MME: variants seen among roughly 807,000 people sequenced by gnomAD.
The protein encoded by MME is membrane metalloendopeptidase, also known as neprilysin.
In MME, 98 loss-of-function variants were observed where a neutral mutation model predicts 113.2. The observed-to-expected ratio is 0.87, with a 90% CI of 0.74 to 1.02. MME has a LOEUF of 1.02. Ranked by LOEUF, MME falls within the 50% of genes least tolerant of loss-of-function variation. The probability of loss-of-function intolerance (pLI) is 0.00; values close to 1 mark genes in which losing one functional copy is unlikely to be tolerated. For missense variants in MME, 836 were observed against 896.0 expected, an observed-to-expected ratio of 0.93 and a Z score of 0.86; for synonymous variants, 292 against 300.6, an observed-to-expected ratio of 0.97 and a Z score of 0.30.
At chr3:155,087,247 TG>T (rs146361352) in intron 3 of MME, among the ~76,000 whole-genome samples, 32,060 of 127,866 alleles carry the variant, frequency 0.25, 3,769 homozygotes, top group African/African-American at 0.35. Flanking sequence ...CTGTGCCCTT[TG>T]GTTTTTTTTT....
At chr3:155,106,107 TC>T (rs1212811632) in intron 3 of MME, among the ~76,000 whole-genome samples, 3 of 152,200 alleles carry the variant, frequency 2.0e-5, no homozygotes, top group East Asian at 3.8e-4. Flanking sequence ...AAAATAGGTC[TC>T]CTTACTTAAG....
intron 3 of MME, among the ~76,000 whole-genome samples, chr3:155,106,710 T>C (rs1470911566): frequency 6.6e-6 from 1 of 152,146 alleles, no homozygotes; most frequent in Non-Finnish European, 1.5e-5. Flanking sequence ...ACTTGTACTT[T>C]TAGAATGTTG....
Position 155,047,648 on chromosome 3 carries a change from G to A in MME, c.-11+23324G>A, listed in dbSNP as rs1270225618. On this transcript the variant is annotated intron_variant, in intron 1 of 22. Coordinates refer to the MME transcript ENST00000492661. ...ATTAGCTGCATTAAAGTATCTGATA[G>A]TTCCAATATCTAGGAGGATCTCAAG... Among the ~76,000 whole-genome samples the A allele has an allele frequency of 3.9e-5, 6 of 152,220 alleles. No homozygotes were observed. The East Asian group carries it at 7.7e-4, about 20-fold the overall frequency.
chr3:155,024,797 G>A (rs954791199), intron 1 of MME, among the ~76,000 whole-genome samples: 2 of 152,124 alleles, frequency 1.3e-5, no homozygotes, highest in Non-Finnish European at 2.9e-5. Context: ...ATACTTATGT[G>A]CACATAAAAT....
chr3:155,087,798 C>A (rs886537845), intron 3 of MME, among the ~76,000 whole-genome samples: 1 of 152,036 alleles, frequency 6.6e-6, no homozygotes, highest in Admixed American at 6.5e-5. Flanking sequence ...GTGATTTTGC[C>A]TCAGAGATCT....
At chr3:155,178,872 C>T (rs529318627) in intron 22 of MME, among the ~76,000 whole-genome samples, 1 of 152,108 alleles carries the variant, frequency 6.6e-6, no homozygotes, top group Non-Finnish European at 1.5e-5. Context: ...AAAATATTTC[C>T]CCCACATATG....
At position 155,045,540 on chromosome 3, in the gene MME, G is replaced by A. The variant is rs866173041; in HGVS notation, c.-11+21216G>A. ...TTAATTATCTTTTTTTTTTTTTTTG[G>A]TTTTGAGACGGAGATTCACTCTGTC... is the stretch of plus-strand genomic sequence containing the variant. On this transcript the variant is annotated intron_variant, in intron 1 of 22. Coordinates refer to the MME transcript ENST00000492661. Among the ~76,000 whole-genome samples the A allele has an allele frequency of 9.4e-4, 133 of 142,110 alleles. 1 individual carries two copies. The highest frequency in any genetic ancestry group is 3.3e-3 in the African/African-American group (126 of 38,202). The allele number at this position is 142,110 out of a possible 152,430, so 93.2% of individuals were successfully genotyped here. A position where few individuals can be genotyped will look rare whatever the true frequency, so the allele number is the denominator to read the frequency against.
chr3:155,088,799 G>T (rs373746578), intron 3 of MME, among the ~76,000 whole-genome samples: 1 of 152,108 alleles, frequency 6.6e-6, no homozygotes, highest in Non-Finnish European at 1.5e-5. Flanking sequence ...GTTCAAACCT[G>T]AGCTCAGAAA....
At chr3:155,154,601 A>G (rs1303877775) in intron 16 of MME, among the ~76,000 whole-genome samples, 1 of 152,152 alleles carries the variant, frequency 6.6e-6, no homozygotes, top group African/African-American at 2.4e-5. Flanking sequence ...CCCAAGAGAA[A>G]AAAACACATT....
At chr3:155,096,410 T>C (rs1439155742) in intron 3 of MME, among the ~76,000 whole-genome samples, 1 of 152,116 alleles carries the variant, frequency 6.6e-6, no homozygotes, top group Non-Finnish European at 1.5e-5. Context: ...AAGGCTATCA[T>C]AGAGGGTGTG....
intron 1 of MME, chr3:155,083,513 G>C (rs1456982397): frequency 6.5e-6 from 1 of 153,232 alleles, no homozygotes; most frequent in African/African-American, 2.4e-5. Context: ...GGTATCTTTT[G>C]GTACAGTGAG....
chr3:155,052,827 C>G, intron 1 of MME, among the ~76,000 whole-genome samples: 1 of 152,166 alleles, frequency 6.6e-6, no homozygotes, highest in Middle Eastern at 3.2e-3. Flanking sequence ...AATGGGTTTT[C>G]CTTTTCTATT....
chr3:155,084,234 C>T lies in MME; in HGVS notation c.67C>T (p.Arg23Ter), dbSNP rs150836510. 1.4e-5 allele frequency: 23 copies of T among 1,613,902 alleles called. No individual in the cohort carries two copies. Among genetic ancestry groups the T allele is most frequent in the Middle Eastern group, 1.6e-4 (1 of 6,082 alleles). Residue 23 changes from arginine to a stop codon, truncating the protein, a stop_gained, in exon 2 of 23, where the codon CGA becomes TGA. Transcript: ENST00000360490. LOFTEE classifies it high-confidence loss of function. ...CACTCCAAAGCCAAAGAAGAAACAG[C>T]GATGGACTCCACTGGAGATCAGCCT... ...INTPKPKKKQ[R>*]WTPLEISLSV...
At chr3:155,111,249 AAAGG>A (rs1266733877) in intron 3 of MME, among the ~76,000 whole-genome samples, 3 of 152,222 alleles carry the variant, frequency 2.0e-5, no homozygotes, top group Non-Finnish European at 4.4e-5. Context: ...ATAAGAGATT[AAAGG>A]AAGGTTGATC....
At chr3:155,026,733 C>T (rs79795043) in intron 1 of MME, among the ~76,000 whole-genome samples, 6,613 of 152,148 alleles carry the variant, frequency 0.043, 159 homozygotes, top group African/African-American at 0.052. Context: ...TTCCCCCCAC[C>T]TCCCCCAGAA....
chr3:155,031,199 T>C (rs1256578515), intron 1 of MME, among the ~76,000 whole-genome samples: 2 of 152,150 alleles, frequency 1.3e-5, no homozygotes, highest in Non-Finnish European at 2.9e-5. Context: ...ATTTAAAGGG[T>C]ATCATCTGAT....
intron 7 of MME, 82 bp downstream of exon 7, chr3:155,117,068 A>T: frequency 2.4e-6 from 2 of 841,642 alleles, no homozygotes; most frequent in South Asian, 1.4e-5. Context: ...TGATATTTAG[A>T]AATAATGCTA....
chr3:155,168,586 G>A lies in MME; in HGVS notation c.1875G>A (p.Gln625=). 1 of 1,613,872 alleles carries A rather than the reference G, an allele frequency of 6.2e-7. No homozygotes were observed. Among genetic ancestry groups the A allele is most frequent in the Non-Finnish European group, 8.5e-7 (1 of 1,179,860 alleles). The part of the protein sequence containing the change: ...FKEQSQCMVY[Q]YGNFSWDLAG... ...AGCAATCCCAGTGCATGGTGTATCA[G>A]TATGGAAACTTTTCCTGGGACCTGG... Residue 625 remains glutamine (Q), a synonymous_variant, in exon 19 of 23, where the codon CAG becomes CAA. Transcript: ENST00000360490.
intron 1 of MME, among the ~76,000 whole-genome samples, chr3:155,032,524 T>A (rs1713003509): frequency 6.6e-6 from 1 of 152,204 alleles, no homozygotes; most frequent in Non-Finnish European, 1.5e-5. Flanking sequence ...GACTGTGAAT[T>A]AGGTTGCTTG....
Sources: allele counts gnomAD v4.1 joint callset (sites outside exome capture counted in the v4.1 genomes callset), GRCh38; gene constraint gnomAD v4.1.1; transcripts MANE v1.5; gene names NCBI Gene and HGNC (gene_info 2026-07-23, HGNC 2026-07-21).